Variants in FHOD3 observed in about 807,000 individuals in gnomAD.
FHOD3 encodes FH1/FH2 domain-containing protein 3.
A neutral mutation model predicts 173.0 loss-of-function variants in FHOD3; 90 were observed. The ratio of observed to expected loss-of-function variants is 0.52; its 90% confidence interval spans 0.44 to 0.62. The LOEUF (loss-of-function observed/expected upper bound fraction) is 0.62, where lower values mean the gene tolerates loss of function less well. FHOD3 is among the 20% of genes least tolerant of loss of function. The pLI, the probability that FHOD3 is intolerant of heterozygous loss-of-function variation, is 0.00. For missense variants in FHOD3, 1,945 were observed against 2,034.7 expected, an observed-to-expected ratio of 0.96 and a Z score of 0.85; for synonymous variants, 828 against 823.0, an observed-to-expected ratio of 1.01 and a Z score of -0.10.
chr18:36,769,200 T>A, intron 27 of FHOD3, 65 bp from the exon 28 acceptor site: 1 of 1,559,804 alleles, frequency 6.4e-7, no homozygotes, highest in Non-Finnish European at 8.8e-7. Flanking sequence ...GGAGGAATAC[T>A]GCTGCATATA....
At chr18:36,456,287 G>A (rs939963141) in intron 3 of FHOD3, among the ~76,000 whole-genome samples, 7 of 152,076 alleles carry the variant, frequency 4.6e-5, no homozygotes, top group African/African-American at 1.5e-4. Flanking sequence ...GACATTGATT[G>A]TAAGGGAGTA....
intron 24 of FHOD3, among the ~76,000 whole-genome samples, chr18:36,749,938 G>A (rs191842806): frequency 2.8e-4 from 43 of 151,260 alleles, no homozygotes; most frequent in African/African-American, 9.2e-4. Context: ...GATCAGTGAT[G>A]TTGAGCCTTT....
At chr18:36,399,175 G>A (rs2048688170) in intron 3 of FHOD3, among the ~76,000 whole-genome samples, 1 of 152,132 alleles carries the variant, frequency 6.6e-6, no homozygotes, top group African/African-American at 2.4e-5. Context: ...TGATAATGGG[G>A]CACTGGAAGG....
At chr18:36,375,546 G>A (rs1248029735) in intron 3 of FHOD3, among the ~76,000 whole-genome samples, 2 of 152,196 alleles carry the variant, frequency 1.3e-5, no homozygotes, top group Non-Finnish European at 2.9e-5. Context: ...TTTTTATTAA[G>A]TAGAGGAATG....
At chr18:36,752,436 A>G (rs1433656911) in intron 24 of FHOD3, among the ~76,000 whole-genome samples, 2 of 152,216 alleles carry the variant, frequency 1.3e-5, no homozygotes, top group Non-Finnish European at 2.9e-5. Context: ...AGATGATGGA[A>G]CAAATCAAAG....
At chr18:36,470,181 T>C (rs1017835030) in intron 3 of FHOD3, among the ~76,000 whole-genome samples, 2 of 152,186 alleles carry the variant, frequency 1.3e-5, no homozygotes, top group African/African-American at 4.8e-5. Context: ...TTGTGAAGTC[T>C]GGAGGCCTCC....
Position 36,755,104 on chromosome 18 carries a change from G to A in FHOD3, c.4233-15G>A. 6.5e-7 allele frequency: 1 copy of A among 1,540,610 alleles called. No individual in the cohort carries two copies. The highest frequency in any genetic ancestry group is 8.7e-7 in the Non-Finnish European group (1 of 1,144,484). ...TAAAACGGAAGTCATTGCTATTACT[G>A]TTTTTTCCTTGCAGATTCCACTCCT... is the stretch of plus-strand genomic sequence containing the variant. On this transcript the variant is annotated splice_polypyrimidine_tract_variant and intron_variant, in intron 24 of 28. Transcript: ENST00000590592.
intron 3 of FHOD3, among the ~76,000 whole-genome samples, chr18:36,464,920 A>G (rs1226937977): frequency 3.9e-5 from 6 of 152,148 alleles, no homozygotes; most frequent in Admixed American, 2.0e-4. Context: ...GTGTCCGACT[A>G]TCTTTTTCTG....
chr18:36,465,221 A>G (rs1187548710), intron 3 of FHOD3, among the ~76,000 whole-genome samples: 1 of 152,126 alleles, frequency 6.6e-6, no homozygotes, highest in African/African-American at 2.4e-5. Flanking sequence ...CCAGCTACTC[A>G]GGAGGCTGAG....
intron 6 of FHOD3, among the ~76,000 whole-genome samples, chr18:36,583,745 G>T (rs1288401730): frequency 6.6e-6 from 1 of 152,120 alleles, no homozygotes; most frequent in Non-Finnish European, 1.5e-5. Flanking sequence ...ATGCTCTCAT[G>T]GTAGCCCACA....
intron 3 of FHOD3, among the ~76,000 whole-genome samples, chr18:36,394,151 G>T (rs1205723606): frequency 6.6e-6 from 1 of 152,098 alleles, no homozygotes; most frequent in African/African-American, 2.4e-5. Context: ...GGCTGAGTGA[G>T]GGAGACCTGG....
chr18:36,299,191 T>A (rs1325795640), intron 1 of FHOD3, among the ~76,000 whole-genome samples: 1 of 152,182 alleles, frequency 6.6e-6, no homozygotes, highest in African/African-American at 2.4e-5. Flanking sequence ...CCTCCTCTAC[T>A]TAGTTAGTAA....
intron 3 of FHOD3, among the ~76,000 whole-genome samples, chr18:36,453,804 G>A (rs769040764): frequency 1.4e-4 from 21 of 152,146 alleles, no homozygotes; most frequent in Admixed American, 2.6e-4. Flanking sequence ...GTGGGGATGC[G>A]GCAGGTGTCC....
chr18:36,496,682 T>C (rs1360990592), intron 3 of FHOD3, among the ~76,000 whole-genome samples: 1 of 152,218 alleles, frequency 6.6e-6, no homozygotes, highest in Non-Finnish European at 1.5e-5. Flanking sequence ...TTTGTTACTT[T>C]TATTTCAACC....
intron 1 of FHOD3, among the ~76,000 whole-genome samples, chr18:36,313,519 A>G (rs2092302923): frequency 6.6e-6 from 1 of 152,160 alleles, no homozygotes. Flanking sequence ...TATGAATAGA[A>G]TCATTTCGTG....
chr18:36,538,136 T>C (rs2057069136), intron 5 of FHOD3, among the ~76,000 whole-genome samples: 1 of 152,080 alleles, frequency 6.6e-6, no homozygotes, highest in Non-Finnish European at 1.5e-5. Flanking sequence ...GGAAAAAATA[T>C]AGAATTGAGT....
At chr18:36,675,178 C>T (rs1403578932) in intron 14 of FHOD3, among the ~76,000 whole-genome samples, 2 of 152,100 alleles carry the variant, frequency 1.3e-5, no homozygotes, top group Admixed American at 6.5e-5. Context: ...TCCATGGCCA[C>T]CTCCGTGCAC....
At chr18:36,354,843 A>C (rs956420460) in intron 1 of FHOD3, among the ~76,000 whole-genome samples, 6 of 150,298 alleles carry the variant, frequency 4.0e-5, no homozygotes, top group Non-Finnish European at 5.9e-5. Context: ...AAATGAGATC[A>C]GTGTGCATGC....
At chr18:36,644,766 G>C (rs1416653117) in intron 10 of FHOD3, among the ~76,000 whole-genome samples, 1 of 152,214 alleles carries the variant, frequency 6.6e-6, no homozygotes, top group Non-Finnish European at 1.5e-5. Context: ...GATAGGTACT[G>C]TTAGTGCCCC....
Sources: allele counts gnomAD v4.1 joint callset (sites outside exome capture counted in the v4.1 genomes callset), GRCh38; gene constraint gnomAD v4.1.1; transcripts MANE v1.5; gene names NCBI Gene and HGNC (gene_info 2026-07-23, HGNC 2026-07-21).